GPR89B: variants seen among roughly 807,000 people sequenced by gnomAD.
GPR89B encodes the protein golgi pH regulator B.
GPR89B carries 25 observed loss-of-function variants against 52.4 expected under a neutral mutation model. That is an observed-to-expected ratio of 0.48 (90% CI 0.35 to 0.67). The LOEUF is 0.67. Among genes scored for constraint, GPR89B ranks in the 30% least tolerant of loss-of-function variants. GPR89B has a pLI of 0.01. For synonymous variants in GPR89B, 52 were observed against 151.2 expected, an observed-to-expected ratio of 0.34 and a Z score of 4.81; for missense variants, 146 against 450.2, an observed-to-expected ratio of 0.32 and a Z score of 6.11.
At chr1:148,022,180 T>A in the GPR89B span, among the ~76,000 whole-genome samples, 5 of 151,920 alleles carry the variant, frequency 3.3e-5, no homozygotes, top group South Asian at 1.0e-3. Flanking sequence ...TAAGCCATGT[T>A]TTCTTCTCGC....
chr1:148,014,465 G>A, the GPR89B span: 1 of 151,084 alleles, frequency 6.6e-6, no homozygotes, highest in Non-Finnish European at 1.5e-5. Context: ...CACCACCGCG[G>A]ACGAGGGCCC....
chr1:148,002,156 T>C, the GPR89B span, among the ~76,000 whole-genome samples: 1 of 151,644 alleles, frequency 6.6e-6, no homozygotes, highest in Non-Finnish European at 1.5e-5. Flanking sequence ...AAAAATCAGC[T>C]CTGCCCATTC....
chr1:147,936,586 A>G (rs1159875863), intron 1 of GPR89B, 41 bp from the exon 2 acceptor site: 59 of 1,524,848 alleles, frequency 3.9e-5, no homozygotes, highest in Non-Finnish European at 5.3e-5. Flanking sequence ...CATTTCTCAA[A>G]AGAAAATATG....
rs587719906 is a variant in GPR89B at position 147,946,860 on chromosome 1, A to G, written c.415+2762A>G. ...GTTTTATTCTTTCCATTGTACTCCA[A>G]TAGGCATTACAGTTTTATGCCTGAA... On this transcript the variant is annotated intron_variant, in intron 5 of 13. Transcript: ENST00000314163. Among the ~76,000 whole-genome samples, 8 of 152,266 alleles carry G rather than the reference A, an allele frequency of 5.3e-5. No individual in the cohort carries two copies. The East Asian group carries it at 9.6e-4, about 18-fold the overall frequency.
chr1:147,962,637 C>G (rs1383761875), intron 7 of GPR89B, among the ~76,000 whole-genome samples: 1 of 152,066 alleles, frequency 6.6e-6, no homozygotes, highest in South Asian at 2.1e-4. Flanking sequence ...TGGCTCATGC[C>G]TGTAATCCCA....
intron 3 of GPR89B, among the ~76,000 whole-genome samples, chr1:147,940,313 G>A (rs1300761462): frequency 1.3e-5 from 2 of 151,710 alleles, no homozygotes. Flanking sequence ...TGAGGCAGGA[G>A]AATGGCCTGA....
chr1:148,007,101 A>T, the GPR89B span, among the ~76,000 whole-genome samples: 1 of 118,078 alleles, frequency 8.5e-6, no homozygotes. Context: ...TTTGAGACGG[A>T]GTCTTGCTTT....
At chr1:147,950,485 G>A (rs1467085467) in intron 5 of GPR89B, among the ~76,000 whole-genome samples, 27 of 150,396 alleles carry the variant, frequency 1.8e-4, no homozygotes, top group African/African-American at 4.9e-4. Context: ...TCACGTCCCA[G>A]ACGATGGGCG....
chr1:147,938,618 C>T, intron 2 of GPR89B, 96 bp from the exon 3 acceptor site: 2 of 1,600,458 alleles, frequency 1.2e-6, no homozygotes, highest in Non-Finnish European at 1.7e-6. Flanking sequence ...TGAGAATTTC[C>T]TCAAAATAAG....
chr1:147,930,463 A>G (rs1653485622), intron 1 of GPR89B, among the ~76,000 whole-genome samples: 3 of 152,108 alleles, frequency 2.0e-5, no homozygotes, highest in Admixed American at 2.0e-4. Context: ...CATGAAGTCC[A>G]AGATACTGTC....
intron 7 of GPR89B, among the ~76,000 whole-genome samples, chr1:147,963,732 C>T (rs1656811628): frequency 6.6e-6 from 1 of 152,070 alleles, no homozygotes; most frequent in African/African-American, 2.4e-5. Flanking sequence ...ATCACTCATA[C>T]ATTGCTGGCA....
In GPR89B at chr1:147,983,237, C is replaced by T. The variant is rs1472066230; in HGVS notation, c.910-2962C>T. Among the ~76,000 whole-genome samples the T allele has an allele frequency of 4.0e-5, 6 of 151,042 alleles. No individual in the cohort carries two copies. In the East Asian group the frequency reaches 7.7e-4, roughly 19 times the overall value. On this transcript the variant is annotated intron_variant, in intron 10 of 13. Transcript: ENST00000314163. ...TAAAAACCCTAGAAGAAAACCTAGG[C>T]GTTACCATTCAGGACATAGGCATGG...
chr1:147,989,912 C>A (rs1174104028), intron 12 of GPR89B, among the ~76,000 whole-genome samples: 1 of 152,006 alleles, frequency 6.6e-6, no homozygotes, highest in African/African-American at 2.4e-5. Flanking sequence ...ATATTGCACA[C>A]GCAATAAACA....
intron 12 of GPR89B, among the ~76,000 whole-genome samples, chr1:147,991,719 C>A (rs1275717539): frequency 6.6e-6 from 1 of 152,146 alleles, no homozygotes; most frequent in Non-Finnish European, 1.5e-5. Context: ...TGGTTTTTGT[C>A]TTTGGTTCTG....
chr1:147,975,140 G>A (rs1275664566), intron 10 of GPR89B, among the ~76,000 whole-genome samples: 5 of 134,574 alleles, frequency 3.7e-5, no homozygotes, highest in African/African-American at 1.4e-4. Flanking sequence ...TTCTTTTTTT[G>A]TTGTTGTATC....
In GPR89B at chr1:147,993,348, C is replaced by G; in HGVS notation, c.*431C>G. On this transcript the variant is annotated 3_prime_UTR_variant, in exon 14 of 14. Coordinates refer to ENST00000314163, the MANE Select transcript of GPR89B (RefSeq NM_016334.5). ...AAAATCAGAGACTGTAACACTTTTG[C>G]CTTACGTTCATTTTATCAAGCATAG... 3.7e-6 allele frequency: 1 copy of G among 270,120 alleles called. No individual in the cohort carries two copies. The highest frequency in any genetic ancestry group is 4.4e-5 in the South Asian group (1 of 22,664). 16.7% of individuals were successfully genotyped at this position (270,120 alleles called of 1,614,324 possible).
chr1:147,944,872 T>G lies in GPR89B; in HGVS notation c.415+774T>G, dbSNP rs186235740. 7.9e-3 allele frequency among the ~76,000 whole-genome samples: 1,194 copies of G among 151,558 alleles called. 19 individuals carry two copies. Among genetic ancestry groups the G allele is most frequent in the East Asian group, 0.047 (240 of 5,156 alleles). ...CCATCTGTAATAAATATACTACAGG[T>G]TTCATGCTGGAACCTTTTTAAAAAT... On this transcript the variant is annotated intron_variant, in intron 5 of 13. Transcript: ENST00000314163.
At chr1:147,993,962 A>G (rs1444375796), downstream of GPR89B, 3 of 316,156 alleles carry the variant, frequency 9.5e-6, no homozygotes, top group African/African-American at 6.7e-5. Context: ...TCACCTATAC[A>G]GAGTTATGAA....
At chr1:147,989,948 G>A (rs1347640886) in intron 12 of GPR89B, among the ~76,000 whole-genome samples, 1 of 152,306 alleles carries the variant, frequency 6.6e-6, no homozygotes, top group East Asian at 1.9e-4. Flanking sequence ...CTTTATAGCA[G>A]CATGATTTAT....
Sources: gnomAD v4.1 joint callset for allele counts (sites outside exome capture counted in the v4.1 genomes callset) on GRCh38, gnomAD v4.1.1 for gene constraint, MANE v1.5 for transcripts, NCBI Gene and HGNC (gene_info 2026-07-23, HGNC 2026-07-21) for gene names.